Variants in NBPF19 observed in about 807,000 individuals in gnomAD.
NBPF19 encodes NBPF family member NBPF19.
A neutral mutation model predicts 45.9 loss-of-function variants in NBPF19; 30 were observed. The ratio of observed to expected loss-of-function variants is 0.65; its 90% CI spans 0.49 to 0.89. The LOEUF is 0.89. NBPF19 is among the 40% of genes least tolerant of loss of function. The probability of loss-of-function intolerance (pLI) is 0.00; values close to 1 mark genes in which losing one functional copy is unlikely to be tolerated. For missense variants in NBPF19, 495 were observed against 471.8 expected (o/e 1.05, Z -0.46); for synonymous variants, 183 against 181.2 (o/e 1.01, Z -0.08).
rs1324992729 is a variant in NBPF19, at chr1:149,538,475, G to T, written c.8811-201G>T. The stretch of plus-strand genomic sequence containing the variant: ...TGTGTGTGTGTGTGTGTGTGTGTGT[G>T]TGTCTATCTGTCTTTCTCTTTCATT... On this transcript the variant is annotated intron_variant, in intron 73 of 93. Transcript: ENST00000651566. Among the ~76,000 whole-genome samples, 3 of 33,508 alleles carry T rather than the reference G, an allele frequency of 9.0e-5. 1 individual carries two copies. The highest frequency in any genetic ancestry group is 2.5e-4 in the African/African-American group (3 of 12,236). 22.0% of individuals were successfully genotyped at this position (33,508 alleles called of 152,430 possible).
chr1:149,488,270 G>GA (rs2085737968), intron 10 of NBPF19, 85 bp downstream of exon 10: 1 of 567,690 alleles, frequency 1.8e-6, no homozygotes, highest in Non-Finnish European at 3.1e-6. Context: ...CCCTTACTGA[G>GA]CTGAGAGATG....
chr1:149,554,379 A>G, intron 93 of NBPF19, 116 bp from the exon 94 acceptor site: 4 of 1,587,198 alleles, frequency 2.5e-6, no homozygotes, highest in Non-Finnish European at 3.4e-6. Flanking sequence ...TACCTCATTA[A>G]TGGATCTATC....
In NBPF19 at chr1:149,475,323, G is replaced by A. The variant is rs1240990326; in HGVS notation, c.-508G>A. Among the ~76,000 whole-genome samples the A allele has an allele frequency of 4.0e-5, 6 of 149,848 alleles. No individual in the cohort carries two copies. The highest frequency in any genetic ancestry group is 1.5e-4 in the African/African-American group (6 of 40,776). ...GCCTTAAGCTCTGTTTTAACTGAGA[G>A]CAGGTGGGGTGACTTCATGACTACC... is the stretch of plus-strand genomic sequence containing the variant. On this transcript the variant is annotated 5_prime_UTR_variant, in exon 1 of 94. Coordinates refer to ENST00000651566, the MANE Select transcript of NBPF19 (RefSeq NM_001351365.2).
chr1:149,554,395 T>C (rs2087174064), intron 93 of NBPF19, 100 bp from the exon 94 acceptor site: 4 of 1,602,056 alleles, frequency 2.5e-6, no homozygotes, highest in Admixed American at 1.7e-5. Flanking sequence ...CTATCCTTTT[T>C]CTTTTCTAAC....
Position 149,486,175 on chromosome 1 carries a change from G to A in NBPF19, c.870G>A (p.Trp290Ter). 2.2e-6 allele frequency: 1 copy of A among 461,804 alleles called. No individual in the cohort carries two copies. 28.6% of individuals were successfully genotyped at this position (461,804 alleles called of 1,614,324 possible). A position where few individuals can be genotyped will look rare whatever the true frequency, so the allele number is the denominator to read the frequency against. Residue 290 changes from tryptophan (W) to a stop codon, truncating the protein, a stop_gained, in exon 8 of 94, where the codon TGG becomes TGA. Transcript: ENST00000651566. LOFTEE classifies it high-confidence loss of function. ...SEEEEVPQES[W>*]DEGYSTLSIP... Reference sequence around the variant, plus strand: ...AGGAGGAAGTCCCCCAGGAGTCCTGGGATGAAGGTTATTCGACTCTCTCAA... The same window carrying A: ...AGGAGGAAGTCCCCCAGGAGTCCTGAGATGAAGGTTATTCGACTCTCTCAA...
rs2087211271 is a variant in NBPF19 at position 149,554,933 on chromosome 1, T to G, written c.*195T>G. ...GAAGACAATGGACCCACGTTAGGTG[T>G]GACACGTTCACATAACTGTGCAGCA... On this transcript the variant is annotated 3_prime_UTR_variant, in exon 94 of 94. Transcript: ENST00000651566. The G allele has an allele frequency of 1.1e-6, 1 of 948,954 alleles. No individual in the cohort carries two copies. The highest frequency in any genetic ancestry group is 1.6e-6 in the Non-Finnish European group (1 of 631,694). The allele number at this position is 948,954 out of a possible 1,614,324, so 58.8% of individuals were successfully genotyped here.
chr1:149,487,795 G>GTC (rs2085678913), intron 9 of NBPF19, among the ~76,000 whole-genome samples: 2 of 148,600 alleles, frequency 1.3e-5, no homozygotes, highest in Non-Finnish European at 1.5e-5. Flanking sequence ...GTGTGTGTGT[G>GTC]TGTGTGTGTG....
chr1:149,538,423 C>G (rs1356507885), intron 73 of NBPF19, among the ~76,000 whole-genome samples: 1 of 17,284 alleles, frequency 5.8e-5, no homozygotes, highest in African/African-American at 1.5e-4. Context: ...TGAGCTCGTT[C>G]TCTCTCTCTC....
chr1:149,478,890 G>A lies in NBPF19; in HGVS notation c.289G>A (p.Val97Ile), dbSNP rs1332610804. ...KQAEELRQYK[V>I]LFHSQERELT... Reference sequence around the variant, plus strand: ...ACCGTCTCACCTTAGGCAATATAAAGTCCTGTTTCACTCTCAGGAACGAGA... The same window carrying A: ...ACCGTCTCACCTTAGGCAATATAAAATCCTGTTTCACTCTCAGGAACGAGA... The change falls in exon 4 of 94, where the codon GTC becomes ATC. Residue 97 changes from valine to isoleucine, a missense_variant. Val to Ile is a conservative substitution (Grantham distance 29, BLOSUM62 3). Coordinates refer to ENST00000651566, the MANE Select transcript of NBPF19 (RefSeq NM_001351365.2). The A allele has an allele frequency of 1.2e-5, 20 of 1,605,580 alleles. 2 individuals carry two copies. The Admixed American group carries it at 2.8e-4, about 23-fold the overall frequency.
In NBPF19 at chr1:149,487,364, C is replaced by A. The variant is rs1356796667; in HGVS notation, c.1021C>A (p.Gln341Lys). ...CTGGGATCAAGTGAAAAAGGAGGAC[C>A]AAGAGGCAACAGGTCCCAGGTGAGT... ...HRWDQVKKED[Q>K]EATGPRLSRE... The change falls in exon 9 of 94, where the codon CAA becomes AAA. Residue 341 changes from glutamine (Q) to lysine (K), a missense_variant. Gln to Lys is a moderately conservative substitution (Grantham distance 53). This residue lies in a region of NBPF19 where 146 missense variants were observed against 67.3 expected (regional missense o/e 2.17). Coordinates refer to ENST00000651566, the MANE Select transcript of NBPF19 (RefSeq NM_001351365.2). 6.4e-6 allele frequency: 10 copies of A among 1,555,196 alleles called. No individual in the cohort carries two copies. The highest frequency in any genetic ancestry group is 7.0e-6 in the Non-Finnish European group (8 of 1,139,852).
At chr1:149,483,919 G>C (rs1307355054) in intron 7 of NBPF19, among the ~76,000 whole-genome samples, 1 of 21,474 alleles carries the variant, frequency 4.7e-5, no homozygotes, top group South Asian at 1.6e-3. Flanking sequence ...CTAGTTCAAC[G>C]ATTGTGGAAG....
rs1163922115 is a variant in NBPF19 at position 149,554,495 on chromosome 1, G to A, written c.11289G>A (p.Arg3763=). ...TCTTTAGTTTTGTCTCCTTTTCCAGGCTCAACAGCGTGCTGATGGAAGTGG... is the reference window on the plus strand; with the variant it reads ...TCTTTAGTTTTGTCTCCTTTTCCAGACTCAACAGCGTGCTGATGGAAGTGG... ...GEEDQNPPCP[R]LNSVLMEVEE... Residue 3763 remains arginine, a splice_region_variant and synonymous_variant, in exon 94 of 94, where the codon AGG becomes AGA. Coordinates refer to ENST00000651566, the MANE Select transcript of NBPF19 (RefSeq NM_001351365.2). 9.3e-6 allele frequency: 15 copies of A among 1,607,850 alleles called. No homozygotes were observed. The highest frequency in any genetic ancestry group is 1.2e-5 in the Non-Finnish European group (14 of 1,176,682).
At chr1:149,478,452 C>A (rs2084979069) in intron 3 of NBPF19, among the ~76,000 whole-genome samples, 1 of 151,224 alleles carries the variant, frequency 6.6e-6, no homozygotes. Flanking sequence ...TTGACCCTGT[C>A]CTTCTTTTCT....
chr1:149,554,469 T>G (rs2087188667), intron 93 of NBPF19, 26 bp from the exon 94 acceptor site: 6 of 1,608,092 alleles, frequency 3.7e-6, no homozygotes, highest in African/African-American at 1.3e-5. Context: ...CCCTGGCTGC[T>G]TCTTTAGTTT....
At position 149,487,473 on chromosome 1, in the gene NBPF19, T is replaced by C. The variant is rs2085610182; in HGVS notation, c.1040+90T>C. ...AAACAGTACATGCTGAAAATAATGA[T>C]TTTGTCTTGTCAGACAAGTCTGAAT... On this transcript the variant is annotated intron_variant, in intron 9 of 93. Coordinates refer to ENST00000651566, the MANE Select transcript of NBPF19 (RefSeq NM_001351365.2). 9 of 981,132 alleles carry C rather than the reference T, an allele frequency of 9.2e-6. 1 individual carries two copies. The highest frequency in any genetic ancestry group is 1.6e-5 in the African/African-American group (1 of 62,736). 60.8% of individuals were successfully genotyped at this position (981,132 alleles called of 1,614,324 possible).
At chr1:149,528,948 T>C (rs2086912790) in intron 61 of NBPF19, among the ~76,000 whole-genome samples, 1 of 119,130 alleles carries the variant, frequency 8.4e-6, no homozygotes, top group African/African-American at 3.5e-5. Context: ...TCTCTCTCTG[T>C]GTGTGTGTGT....
At chr1:149,490,997 A>G in intron 13 of NBPF19, 142 bp from the exon 14 acceptor site, 1 of 531,538 alleles carries the variant, frequency 1.9e-6, no homozygotes, top group South Asian at 2.2e-5. Flanking sequence ...TCCCAACATG[A>G]AGGCAATAAT....
At chr1:149,486,787 A>C (rs1269835088) in intron 8 of NBPF19, among the ~76,000 whole-genome samples, 3 of 150,918 alleles carry the variant, frequency 2.0e-5, no homozygotes, top group African/African-American at 4.9e-5. Flanking sequence ...TGTGTCTTCT[A>C]AGTTCGCTTG....
At chr1:149,488,250 C>A in intron 10 of NBPF19, 65 bp downstream of exon 10, 1 of 565,624 alleles carries the variant, frequency 1.8e-6, no homozygotes, top group Admixed American at 3.2e-5. Context: ...CATATTCCTA[C>A]TGCAAGTGGC....
Sources: allele counts gnomAD v4.1 joint callset (sites outside exome capture counted in the v4.1 genomes callset), GRCh38; gene constraint gnomAD v4.1.1; regional missense constraint gnomAD v4.1.1; transcripts MANE v1.5; gene names NCBI Gene and HGNC (gene_info 2026-07-23, HGNC 2026-07-21).